MACROD2: variants seen among roughly 807,000 people sequenced by gnomAD.
MACROD2 encodes mono-ADP ribosylhydrolase 2.
In MACROD2, 36 loss-of-function variants were observed where a neutral mutation model predicts 70.4. The observed-to-expected ratio is 0.51, with a 90% CI of 0.39 to 0.68. MACROD2 has a LOEUF of 0.68. MACROD2 is among the 30% of genes least tolerant of loss of function. The probability of loss-of-function intolerance (pLI) is 0.00; values close to 1 mark genes in which losing one functional copy is unlikely to be tolerated. For synonymous variants in MACROD2, 172 were observed against 178.8 expected, an observed-to-expected ratio of 0.96 and a Z score of 0.30; for missense variants, 496 against 538.4, an observed-to-expected ratio of 0.92 and a Z score of 0.78.
intron 3 of MACROD2, among the ~76,000 whole-genome samples, chr20:14,186,216 TAA>T (rs2081342754): frequency 6.6e-6 from 1 of 152,170 alleles, no homozygotes; most frequent in South Asian, 2.1e-4. Flanking sequence ...TGAACACAAA[TAA>T]AATTAGTTGT....
chr20:14,486,277 T>C (rs1255617437), intron 3 of MACROD2, among the ~76,000 whole-genome samples: 3 of 152,128 alleles, frequency 2.0e-5, no homozygotes, highest in Non-Finnish European at 4.4e-5. Flanking sequence ...AGGGACATAG[T>C]CCATTCACGG....
At chr20:15,661,001 G>A (rs466243) in intron 8 of MACROD2, among the ~76,000 whole-genome samples, 53,736 of 152,068 alleles carry the variant, frequency 0.35, 10,748 homozygotes, top group East Asian at 0.45. Flanking sequence ...ATGTTTCGGA[G>A]TTTGAGCTAT....
chr20:14,797,792 T>C lies in MACROD2; in HGVS notation c.418+112833T>C, dbSNP rs150124930. Among the ~76,000 whole-genome samples the C allele has an allele frequency of 8.5e-5, 13 of 152,210 alleles. 2 individuals carry two copies. The highest frequency in any genetic ancestry group is 3.1e-4 in the African/African-American group (13 of 41,484). On this transcript the variant is annotated intron_variant, in intron 5 of 17. Coordinates refer to ENST00000684519, the MANE Select transcript of MACROD2 (RefSeq NM_001351661.2). ...ATTCCATGGGGACCTGGATGATGCC[T>C]GCTTTACTTGACCTTTGTATTCCCA...
chr20:15,144,471 T>G (rs576263797), intron 5 of MACROD2, among the ~76,000 whole-genome samples: 1 of 152,272 alleles, frequency 6.6e-6, no homozygotes, highest in South Asian at 2.1e-4. Context: ...ATAGTGACTT[T>G]GAAACTTTGA....
chr20:15,165,229 GTGAATCATC>G (rs2076375561), intron 5 of MACROD2, among the ~76,000 whole-genome samples: 1 of 152,198 alleles, frequency 6.6e-6, no homozygotes, highest in African/African-American at 2.4e-5. Context: ...GTTGAGACAG[GTGAATCATC>G]TGAGGTCAGG....
At chr20:14,963,643 A>G (rs1382523656) in intron 5 of MACROD2, among the ~76,000 whole-genome samples, 2 of 152,196 alleles carry the variant, frequency 1.3e-5, no homozygotes, top group African/African-American at 4.8e-5. Context: ...CTTGAAAACA[A>G]TACTGAAAAT....
At position 14,631,436 on chromosome 20, in the gene MACROD2, C is replaced by T. The variant is rs376025693; in HGVS notation, c.302-53407C>T. Reference sequence around the variant, plus strand: ...CTGTTTTCTGGAATGAGATGTTGCCCGACTTTAGAATTCAATAAAAGCCTA... The same window carrying T: ...CTGTTTTCTGGAATGAGATGTTGCCTGACTTTAGAATTCAATAAAAGCCTA... On this transcript the variant is annotated intron_variant, in intron 4 of 17. Coordinates refer to ENST00000684519, the MANE Select transcript of MACROD2 (RefSeq NM_001351661.2). Among the ~76,000 whole-genome samples the T allele has an allele frequency of 2.6e-5, 4 of 152,196 alleles. No homozygotes were observed. The East Asian group carries it at 5.8e-4, about 22-fold the overall frequency.
intron 8 of MACROD2, among the ~76,000 whole-genome samples, chr20:15,858,591 T>C (rs1174090685): frequency 6.6e-6 from 1 of 152,206 alleles, no homozygotes; most frequent in African/African-American, 2.4e-5. Context: ...TGTATTTTGA[T>C]GGTTAGCTCA....
chr20:14,845,435 C>T (rs144293571), intron 5 of MACROD2, among the ~76,000 whole-genome samples: 1 of 152,114 alleles, frequency 6.6e-6, no homozygotes, highest in African/African-American at 2.4e-5. Context: ...ATCATTCTGA[C>T]ACTCTTTTGA....
chr20:15,986,759 A>C lies in MACROD2; in HGVS notation c.1018A>C (p.Lys340Gln), dbSNP rs1052006250. Residue 340 changes from lysine (K) to glutamine (Q), a missense_variant, in exon 14 of 18, where the codon AAA (lysine) becomes CAA (glutamine). Lys to Gln is a moderately conservative substitution (Grantham distance 53, BLOSUM62 1). Coordinates refer to ENST00000684519, the MANE Select transcript of MACROD2 (RefSeq NM_001351661.2). ...GAATGATTCAACGAAGAATGAAATA[A>C]AAATTGAAACAGAATCGCAGAGCTC... ...QENDSTKNEI[K>Q]IETESQSSYM... 2 of 1,613,514 alleles carry C rather than the reference A, an allele frequency of 1.2e-6. No individual in the cohort carries two copies. Among genetic ancestry groups the C allele is most frequent in the South Asian group, 2.2e-5 (2 of 91,056 alleles).
At chr20:15,324,214 T>A (rs2077903238) in intron 6 of MACROD2, among the ~76,000 whole-genome samples, 1 of 152,156 alleles carries the variant, frequency 6.6e-6, no homozygotes, top group Non-Finnish European at 1.5e-5. Flanking sequence ...GGGTTCAATT[T>A]TTTACTGCTT....
chr20:15,984,995 A>T (rs1282687257), intron 13 of MACROD2, among the ~76,000 whole-genome samples: 1 of 152,166 alleles, frequency 6.6e-6, no homozygotes, highest in African/African-American at 2.4e-5. Context: ...CTTGGCTTAC[A>T]GGTTACCTTG....
At chr20:15,591,946 A>G (rs558215887) in intron 8 of MACROD2, among the ~76,000 whole-genome samples, 2 of 152,364 alleles carry the variant, frequency 1.3e-5, no homozygotes, top group South Asian at 2.1e-4. Flanking sequence ...CTTAGTGAAC[A>G]TTTGAAAGAT....
rs186788379 is a variant in MACROD2 at position 14,560,671 on chromosome 20, A to G, written c.301+67163A>G. Among the ~76,000 whole-genome samples the G allele has an allele frequency of 1.7e-4, 26 of 151,996 alleles. No homozygotes were observed. In the East Asian group the frequency reaches 4.9e-3, roughly 28 times the overall value. On this transcript the variant is annotated intron_variant, in intron 4 of 17. Coordinates refer to ENST00000684519, the MANE Select transcript of MACROD2 (RefSeq NM_001351661.2). ...GAATATTGTTATACATGTTTTCTGC[A>G]TCCTCCCATAGGTCTATGAACATAA...
intron 8 of MACROD2, among the ~76,000 whole-genome samples, chr20:15,533,544 GCTCT>G (rs3071260): frequency 0.098 from 13,814 of 141,004 alleles, 630 homozygotes; most frequent in East Asian, 0.15. Flanking sequence ...TGTCTCTGTC[GCTCT>G]CTCTCTCTCT....
chr20:14,486,782 G>A (rs989795310), intron 3 of MACROD2, among the ~76,000 whole-genome samples: 1 of 152,020 alleles, frequency 6.6e-6, no homozygotes, highest in Non-Finnish European at 1.5e-5. Flanking sequence ...GCCTCCCAAA[G>A]TGCTGGGATT....
intron 3 of MACROD2, among the ~76,000 whole-genome samples, chr20:14,214,994 A>G (rs996016894): frequency 6.6e-6 from 1 of 150,882 alleles, no homozygotes; most frequent in African/African-American, 2.4e-5. Flanking sequence ...TCATATACAT[A>G]TATGTTTATA....
In MACROD2 at chr20:14,954,504, AT is replaced by A. The variant is rs1230420731; in HGVS notation, c.418+269547del. ...TTAAATATATAAATTATATATAATTATTATTATATAATTAATATTATATAAT... is the reference window on the plus strand; with the variant it reads ...TTAAATATATAAATTATATATAATTATATTATATAATTAATATTATATAAT... On this transcript the variant is annotated intron_variant, in intron 5 of 17. Coordinates refer to ENST00000684519, the MANE Select transcript of MACROD2 (RefSeq NM_001351661.2). 6.4e-5 allele frequency among the ~76,000 whole-genome samples: 9 copies of A among 141,164 alleles called. No individual in the cohort carries two copies. In the South Asian group the frequency reaches 1.7e-3, roughly 27 times the overall value. The allele number at this position is 141,164 out of a possible 152,430, so 92.6% of individuals were successfully genotyped here.
chr20:15,497,383 C>G (rs148873221), intron 7 of MACROD2, among the ~76,000 whole-genome samples: 2 of 152,024 alleles, frequency 1.3e-5, no homozygotes, highest in Non-Finnish European at 2.9e-5. Context: ...ACCTCTGCCT[C>G]GCAGGTTCAA....
Sources: allele counts gnomAD v4.1 joint callset (sites outside exome capture counted in the v4.1 genomes callset), GRCh38; gene constraint gnomAD v4.1.1; transcripts MANE v1.5; gene names NCBI Gene and HGNC (gene_info 2026-07-23, HGNC 2026-07-21).